FBXL5: variants seen among roughly 807,000 people sequenced by gnomAD.
FBXL5 encodes the protein F-box and leucine rich repeat protein 5, also known as F-box/LRR-repeat protein 5.
A neutral mutation model predicts 78.3 loss-of-function variants in FBXL5; 26 were observed. The observed-to-expected ratio is 0.33, with a 90% confidence interval of 0.24 to 0.46. The LOEUF (loss-of-function observed/expected upper bound fraction) is 0.46. FBXL5 is among the 20% of genes least tolerant of loss of function. The pLI, the probability that FBXL5 is intolerant of heterozygous loss-of-function variation, is 1.00. For synonymous variants in FBXL5, 295 were observed against 282.5 expected, an observed-to-expected ratio of 1.04 and a Z score of -0.45; for missense variants, 710 against 829.2, an observed-to-expected ratio of 0.86 and a Z score of 1.77.
intron 1 of FBXL5, among the ~76,000 whole-genome samples, chr4:15,672,506 C>T (rs914214893): frequency 6.6e-6 from 1 of 152,164 alleles, no homozygotes; most frequent in African/African-American, 2.4e-5. Flanking sequence ...AGTTACTGTA[C>T]TGAATTTGTC....
At chr4:15,680,964 T>C (rs138700602) in intron 1 of FBXL5, among the ~76,000 whole-genome samples, 4 of 146,922 alleles carry the variant, frequency 2.7e-5, no homozygotes, top group South Asian at 2.1e-4. Context: ...GTTTCACATA[T>C]ATATATAAAT....
chr4:15,655,465 T>G (rs1218055029), upstream of FBXL5: 5 of 882,108 alleles, frequency 5.7e-6, no homozygotes, highest in African/African-American at 9.1e-5. Context: ...ATGCGATCCC[T>G]GCGGCCCACG....
At chr4:15,637,409 A>G (rs189585663) in intron 4 of FBXL5, among the ~76,000 whole-genome samples, 3 of 152,348 alleles carry the variant, frequency 2.0e-5, no homozygotes, top group Admixed American at 6.5e-5. Flanking sequence ...AATAAAAAAT[A>G]TAAAAGATTC....
intron 1 of FBXL5, among the ~76,000 whole-genome samples, chr4:15,667,982 G>A (rs538201735): frequency 1.5e-4 from 23 of 151,398 alleles, no homozygotes; most frequent in Admixed American, 5.3e-4. Context: ...TGGAGGTTGC[G>A]GTGAGCCAAG....
rs1043942390 is a variant in FBXL5, at chr4:15,604,756, T to G, written c.*967A>C. 6.6e-6 allele frequency: 1 copy of G among 152,242 alleles called. No individual in the cohort carries two copies. Among genetic ancestry groups the G allele is most frequent in the African/African-American group, 2.4e-5 (1 of 41,460 alleles). The allele number at this position is 152,242 out of a possible 1,614,324, so 9.4% of individuals were successfully genotyped here. On this transcript the variant is annotated 3_prime_UTR_variant, in exon 11 of 11. Coordinates refer to ENST00000341285, the MANE Select transcript of FBXL5 (RefSeq NM_012161.4). ...ACTAAAAGGCACTAGTATGTGCCTT[T>G]CTGGGTGGCAGGCCTCCACTCTCAT...
rs778016812 is a variant in FBXL5, at chr4:15,625,604, T to A, written c.1498A>T (p.Asn500Tyr). ...TCCATTACACAAAGACTTTCAACAT[T>A]TCTATGTCTCCATTCCACAGTATCT... ...IEDTVEWRHR[N>Y]VESLCVMETA... The change falls in exon 9 of 11, where the codon AAT (asparagine) becomes TAT (tyrosine). Residue 500 changes from asparagine to tyrosine, a missense_variant. Physicochemically the swap from Asn to Tyr is moderately radical, Grantham distance 143. Coordinates refer to ENST00000341285, the MANE Select transcript of FBXL5 (RefSeq NM_012161.4). The A allele has an allele frequency of 2.5e-6, 4 of 1,614,174 alleles. No individual in the cohort carries two copies. The Admixed American group carries it at 6.7e-5, about 27-fold the overall frequency.
chr4:15,618,369 A>T (rs1712124266), intron 9 of FBXL5, among the ~76,000 whole-genome samples: 1 of 152,196 alleles, frequency 6.6e-6, no homozygotes, highest in Non-Finnish European at 1.5e-5. Flanking sequence ...AAATATAATA[A>T]TGATGAAAAT....
At chr4:15,628,927 T>G (rs1199515328) in intron 6 of FBXL5, among the ~76,000 whole-genome samples, 1 of 152,090 alleles carries the variant, frequency 6.6e-6, no homozygotes, top group Non-Finnish European at 1.5e-5. Context: ...TGTGAAAATT[T>G]TAAATTTTTA....
intron 5 of FBXL5, among the ~76,000 whole-genome samples, 198 bp from the exon 6 acceptor site, chr4:15,630,989 T>C (rs372404014): frequency 2.6e-5 from 4 of 152,172 alleles, no homozygotes; most frequent in African/African-American, 4.8e-5. Flanking sequence ...CATAGGTATA[T>C]ATGTGCCATG....
chr4:15,633,968 G>A (rs1713957465), intron 5 of FBXL5, among the ~76,000 whole-genome samples: 1 of 151,950 alleles, frequency 6.6e-6, no homozygotes, highest in South Asian at 2.1e-4. Context: ...CTGACATTTT[G>A]GGCTGGGTAA....
intron 6 of FBXL5, 124 bp downstream of exon 6, chr4:15,630,542 G>C: frequency 1.2e-6 from 1 of 823,026 alleles, no homozygotes; most frequent in Non-Finnish European, 1.7e-6. Context: ...AAAAGTAGTA[G>C]GCTTAGAAAC....
At chr4:15,642,527 T>C (rs570307280) in intron 2 of FBXL5, among the ~76,000 whole-genome samples, 2 of 152,150 alleles carry the variant, frequency 1.3e-5, no homozygotes, top group Non-Finnish European at 2.9e-5. Context: ...TGAGCCACCA[T>C]GCCCAGCCTA....
intron 1 of FBXL5, among the ~76,000 whole-genome samples, chr4:15,665,176 G>A (rs1250795896): frequency 3.9e-5 from 6 of 152,140 alleles, no homozygotes; most frequent in South Asian, 2.1e-4. Context: ...AGCTGCCAAT[G>A]TAGGAAAGAA....
intron 10 of FBXL5, among the ~76,000 whole-genome samples, chr4:15,608,446 A>G (rs1722028735): frequency 6.6e-6 from 1 of 151,916 alleles, no homozygotes; most frequent in South Asian, 2.1e-4. Context: ...ATAATGGGGG[A>G]AGAAAAATGT....
intron 9 of FBXL5, among the ~76,000 whole-genome samples, chr4:15,622,602 T>C (rs1327725653): frequency 2.0e-5 from 3 of 152,220 alleles, no homozygotes; most frequent in South Asian, 2.1e-4. Context: ...TCTGATACTA[T>C]GTTTTCTGTC....
chr4:15,622,997 GATA>G (rs1304640712), intron 9 of FBXL5, among the ~76,000 whole-genome samples: 1 of 152,168 alleles, frequency 6.6e-6, no homozygotes, highest in Non-Finnish European at 1.5e-5. Context: ...TTCTAAGGTT[GATA>G]ATATCAGAAT....
In FBXL5 at chr4:15,655,252, G is replaced by A. The variant is rs764849600; in HGVS notation, c.36C>T (p.Thr12=). 1.4e-6 allele frequency: 2 copies of A among 1,443,848 alleles called. No homozygotes were observed. Among genetic ancestry groups the A allele is most frequent in the Non-Finnish European group, 1.9e-6 (2 of 1,079,502 alleles). The allele number at this position is 1,443,848 out of a possible 1,614,324, so 89.4% of individuals were successfully genotyped here. Residue 12 remains threonine, a synonymous_variant, in exon 1 of 11, where the codon ACC becomes ACT. Transcript: ENST00000341285. The part of the protein sequence containing the change: ...APFPEEVDVF[T]APHWRMKQLV... ...GCTGCTTCATCCGCCAGTGTGGGGCGGTGAAGACGTCCACTTCTTCAGGAA... is the reference window on the plus strand; with the variant it reads ...GCTGCTTCATCCGCCAGTGTGGGGCAGTGAAGACGTCCACTTCTTCAGGAA...
chr4:15,605,828 A>C (rs2148504607), intron 10 of FBXL5, 29 bp from the exon 11 acceptor site: 1 of 1,566,138 alleles, frequency 6.4e-7, no homozygotes, highest in Middle Eastern at 1.7e-4. Flanking sequence ...ATGTGAAAGG[A>C]GGAATTTCTT....
chr4:15,662,425 A>G (rs1202221826), upstream of FBXL5, among the ~76,000 whole-genome samples: 1 of 152,214 alleles, frequency 6.6e-6, no homozygotes, highest in Admixed American at 6.5e-5. Flanking sequence ...GTGTTGTTGT[A>G]AAGATTAACG....
Sources: gnomAD v4.1 joint callset for allele counts (sites outside exome capture counted in the v4.1 genomes callset) on GRCh38, gnomAD v4.1.1 for gene constraint, MANE v1.5 for transcripts, NCBI Gene and HGNC (gene_info 2026-07-23, HGNC 2026-07-21) for gene names.